SCP2: variants seen among roughly 807,000 people sequenced by gnomAD.
SCP2 encodes the protein SCP-2/3-oxoacyl-CoA thiolase.
SCP2 carries 48 observed loss-of-function variants against 71.4 expected under a neutral mutation model. That is an observed-to-expected ratio of 0.67 (90% CI 0.53 to 0.86). The LOEUF is 0.86. Ranked by LOEUF, SCP2 falls within the 40% of genes least tolerant of loss-of-function variation. The pLI is 0.00. For missense variants in SCP2, 560 were observed against 655.6 expected (o/e 0.85, Z 1.59); for synonymous variants, 220 against 218.1 (o/e 1.01, Z -0.08).
In SCP2 at chr1:53,010,523, G is replaced by A. The variant is rs1660919237; in HGVS notation, c.1082-4367G>A. Among the ~76,000 whole-genome samples, 4 of 152,044 alleles carry A rather than the reference G, an allele frequency of 2.6e-5. No individual in the cohort carries two copies. In the South Asian group the frequency reaches 6.2e-4, roughly 24 times the overall value. ...AACCATCATTCTGAGCAAACTGTCG[G>A]AAGGACAGAAAACCAAACACCACAT... On this transcript the variant is annotated intron_variant, in intron 11 of 15. Transcript: ENST00000371514.
intron 2 of SCP2, chr1:52,943,858 A>T (rs554125521): frequency 1.3e-5 from 6 of 447,520 alleles, no homozygotes; most frequent in South Asian, 1.1e-4. Context: ...TCTTGCGAGC[A>T]GCTTTTATAG....
chr1:53,048,057 A>G lies in SCP2; in HGVS notation c.1548+120A>G, dbSNP rs866465077. ...AGACTCACAAAACTCAGTGTTCCCCAAACAGTTGACAGACGTCTGTGGAGC... is the reference window on the plus strand; with the variant it reads ...AGACTCACAAAACTCAGTGTTCCCCGAACAGTTGACAGACGTCTGTGGAGC... On this transcript the variant is annotated intron_variant, in intron 15 of 15. Coordinates refer to ENST00000371514, the MANE Select transcript of SCP2 (RefSeq NM_002979.5). The G allele has an allele frequency of 5.1e-5, 38 of 747,924 alleles. No individual in the cohort carries two copies. The Middle Eastern group carries it at 1.4e-3, about 27-fold the overall frequency. 46.3% of individuals were successfully genotyped at this position (747,924 alleles called of 1,614,324 possible).
chr1:52,965,444 A>G (rs1022602111), intron 6 of SCP2, among the ~76,000 whole-genome samples: 1 of 152,108 alleles, frequency 6.6e-6, no homozygotes, highest in Non-Finnish European at 1.5e-5. Flanking sequence ...TTATTTATTC[A>G]GTTCTGTCTT....
rs116017985 is a variant in SCP2 at position 53,012,147 on chromosome 1, T to C, written c.1082-2743T>C. Among the ~76,000 whole-genome samples the C allele has an allele frequency of 6.2e-3, 951 of 152,306 alleles. 16 individuals carry two copies. The highest frequency in any genetic ancestry group is 0.022 in the African/African-American group (914 of 41,570). ...GTAAAAACTAGCCATAAAGAAATTA[T>C]CTGACCTATCTTGTTTGACTGGGGG... On this transcript the variant is annotated intron_variant, in intron 11 of 15. Transcript: ENST00000371514.
chr1:52,927,514 G>C, intron 1 of SCP2, 49 bp downstream of exon 1: 1 of 1,402,456 alleles, frequency 7.1e-7, no homozygotes, highest in Non-Finnish European at 9.9e-7. Flanking sequence ...GGGGGCGGTC[G>C]GTGCCTGGGT....
rs561808716 is a variant in SCP2 at position 52,993,933 on chromosome 1, C to T, written c.1081+5797C>T. The stretch of plus-strand genomic sequence containing the variant: ...TCTTCAGCCCTATACTAGCTTTTAT[C>T]GGTAGCCATCAATTGCAGTTTTAAT... On this transcript the variant is annotated intron_variant, in intron 11 of 15. Transcript: ENST00000371514. 4.3e-4 allele frequency: 590 copies of T among 1,362,766 alleles called. 1 individual carries two copies. Among genetic ancestry groups the T allele is most frequent in the Admixed American group, 1.4e-3 (47 of 32,416 alleles). The allele number at this position is 1,362,766 out of a possible 1,614,324, so 84.4% of individuals were successfully genotyped here. A position where few individuals can be genotyped will look rare whatever the true frequency, so the allele number is the denominator to read the frequency against.
chr1:53,005,915 A>G (rs2150216366), intron 11 of SCP2, among the ~76,000 whole-genome samples: 1 of 152,352 alleles, frequency 6.6e-6, no homozygotes, highest in Admixed American at 6.5e-5. Context: ...TAGAATAAAC[A>G]GCATAGAGAA....
chr1:53,009,608 C>A (rs1302678507), intron 11 of SCP2, among the ~76,000 whole-genome samples: 1 of 152,152 alleles, frequency 6.6e-6, no homozygotes, highest in African/African-American at 2.4e-5. Context: ...CTTCCTTACA[C>A]CTTATACAAA....
At chr1:52,955,840 A>T (rs1197877216) in intron 5 of SCP2, among the ~76,000 whole-genome samples, 1 of 152,194 alleles carries the variant, frequency 6.6e-6, no homozygotes, top group African/African-American at 2.4e-5. Flanking sequence ...AGTAAAAACT[A>T]ATCTCTGAAG....
intron 11 of SCP2, among the ~76,000 whole-genome samples, chr1:53,010,753 T>G (rs1660935872): frequency 1.3e-5 from 2 of 152,170 alleles, no homozygotes; most frequent in African/African-American, 4.8e-5. Flanking sequence ...ATTGTGCACA[T>G]GGACCCTAGA....
rs536055968 is a variant in SCP2 at position 52,932,973 on chromosome 1, G to A, written c.69+5508G>A. Among the ~76,000 whole-genome samples the A allele has an allele frequency of 1.1e-3, 170 of 152,202 alleles. 1 individual carries two copies. Among genetic ancestry groups the A allele is most frequent in the Admixed American group, 2.6e-3 (40 of 15,280 alleles). ...AAAGTATTAGTATAAACTTTAATTA[G>A]TATTTCATCTTTAAATGTTTTTCTG... On this transcript the variant is annotated intron_variant, in intron 1 of 15. Coordinates refer to ENST00000371514, the MANE Select transcript of SCP2 (RefSeq NM_002979.5).
At chr1:53,022,174 G>C (rs536312019) in intron 12 of SCP2, among the ~76,000 whole-genome samples, 22 of 152,284 alleles carry the variant, frequency 1.4e-4, no homozygotes, top group Admixed American at 2.0e-4. Flanking sequence ...CCTACTTTCT[G>C]TCTCTATGGA....
At position 53,035,337 on chromosome 1, in the gene SCP2, C is replaced by T. The variant is rs187389149; in HGVS notation, c.1339-3580C>T. On this transcript the variant is annotated intron_variant, in intron 13 of 15. Transcript: ENST00000371514. The stretch of plus-strand genomic sequence containing the variant: ...TGCAAAGATGTGCTATTAACAAAAA[C>T]AATATAAAATACCTAAGAATAAACT... Among the ~76,000 whole-genome samples the T allele has an allele frequency of 3.3e-5, 5 of 151,982 alleles. No homozygotes were observed. In the East Asian group the frequency reaches 9.7e-4, roughly 29 times the overall value.
At position 52,993,939 on chromosome 1, in the gene SCP2, C is replaced by A. The variant is rs540901085; in HGVS notation, c.1081+5803C>A. ...GCCCTATACTAGCTTTTATCGGTAG[C>A]CATCAATTGCAGTTTTAATAGAAAT... On this transcript the variant is annotated intron_variant, in intron 11 of 15. Coordinates refer to ENST00000371514, the MANE Select transcript of SCP2 (RefSeq NM_002979.5). The A allele has an allele frequency of 1.1e-4, 144 of 1,353,280 alleles. 1 individual carries two copies. The South Asian group carries it at 2.1e-3, about 20-fold the overall frequency. 83.8% of individuals were successfully genotyped at this position (1,353,280 alleles called of 1,614,324 possible).
At chr1:53,038,339 G>A (rs147728657) in intron 13 of SCP2, among the ~76,000 whole-genome samples, 85 of 150,844 alleles carry the variant, frequency 5.6e-4, no homozygotes, top group East Asian at 4.9e-3. Context: ...TGAAACATAC[G>A]AGGGCTATTT....
At chr1:53,037,906 A>ACACACACACACC (rs1287690634) in intron 13 of SCP2, among the ~76,000 whole-genome samples, 19 of 127,650 alleles carry the variant, frequency 1.5e-4, no homozygotes, top group African/African-American at 5.6e-4. Context: ...ACACACACAC[A>ACACACACACACC]CACACACACA....
At chr1:53,033,489 C>T (rs1662695180) in intron 13 of SCP2, among the ~76,000 whole-genome samples, 1 of 151,602 alleles carries the variant, frequency 6.6e-6, no homozygotes, top group Non-Finnish European at 1.5e-5. Flanking sequence ...CCTGTAATCC[C>T]AGCTACTTGG....
chr1:53,020,642 A>G (rs6684182), intron 12 of SCP2, among the ~76,000 whole-genome samples: 20,865 of 152,098 alleles, frequency 0.14, 2,045 homozygotes, highest in East Asian at 0.32. Context: ...ACTTAGGGGT[A>G]TAGGAAAAAA....
In SCP2 at chr1:52,927,416, A is replaced by G; in HGVS notation, c.20A>G (p.Glu7Gly). ...GCAGCCATGTCCTCTTCCCCGTGGG[A>G]GCCTGCGACCCTGCGCCGGGTGTTC... MSSSPW[E>G]PATLRRVFVV... The change falls in exon 1 of 16, where the codon GAG becomes GGG. Residue 7 changes from glutamate to glycine, a missense_variant. Coordinates refer to ENST00000371514, the MANE Select transcript of SCP2 (RefSeq NM_002979.5). The G allele has an allele frequency of 1.9e-6, 3 of 1,599,814 alleles. No homozygotes were observed. The highest frequency in any genetic ancestry group is 2.6e-6 in the Non-Finnish European group (3 of 1,174,264).
Sources: gnomAD v4.1 joint callset for allele counts (sites outside exome capture counted in the v4.1 genomes callset) on GRCh38, gnomAD v4.1.1 for gene constraint, MANE v1.5 for transcripts, NCBI Gene and HGNC (gene_info 2026-07-23, HGNC 2026-07-21) for gene names.